The following PLEKHM3 variants were observed in gnomAD, a reference collection of about 807,000 sequenced individuals.
PLEKHM3 encodes pleckstrin homology domain-containing family M member 3.
A neutral mutation model predicts 81.8 loss-of-function variants in PLEKHM3; 45 were observed. The observed-to-expected ratio is 0.55, with a 90% confidence interval of 0.43 to 0.71. The LOEUF is 0.71. Ranked by LOEUF, PLEKHM3 falls within the 30% of genes least tolerant of loss-of-function variation. The pLI is 0.00. For missense variants in PLEKHM3, 788 were observed against 924.3 expected (o/e 0.85, Z 1.91); for synonymous variants, 352 against 356.4 (o/e 0.99, Z 0.14).
At chr2:207,994,344 G>A (rs909453208) in intron 2 of PLEKHM3, among the ~76,000 whole-genome samples, 3 of 151,966 alleles carry the variant, frequency 2.0e-5, no homozygotes, top group Non-Finnish European at 2.9e-5. Context: ...TTTATCCTAC[G>A]GCAAAGTCCT....
chr2:207,964,647 T>C (rs1690852093), intron 3 of PLEKHM3, among the ~76,000 whole-genome samples: 1 of 152,174 alleles, frequency 6.6e-6, no homozygotes, highest in Admixed American at 6.5e-5. Context: ...CAAAGTACAA[T>C]GCAGAACCAT....
intron 1 of PLEKHM3, among the ~76,000 whole-genome samples, chr2:208,009,771 A>T (rs935186029): frequency 1.2e-4 from 19 of 152,190 alleles, no homozygotes; most frequent in African/African-American, 4.3e-4. Flanking sequence ...AACTGAATAA[A>T]CAGTATATTT....
chr2:208,015,091 CT>C (rs575982419), intron 1 of PLEKHM3, among the ~76,000 whole-genome samples: 136 of 152,342 alleles, frequency 8.9e-4, no homozygotes, highest in African/African-American at 3.1e-3. Flanking sequence ...GTACTTACTA[CT>C]TAACGTATGT....
At position 207,824,475 on chromosome 2, in the gene PLEKHM3, T is replaced by A. The variant is rs1318639632; in HGVS notation, c.*3844A>T. ...AAATACACGAGCAACAGCATTGGCTTGACTCTAAAGGAGGACCAGAATGTG... is the reference window on the plus strand; with the variant it reads ...AAATACACGAGCAACAGCATTGGCTAGACTCTAAAGGAGGACCAGAATGTG... On this transcript the variant is annotated 3_prime_UTR_variant, in exon 8 of 8. Transcript: ENST00000427836. 1.3e-5 allele frequency: 2 copies of A among 152,224 alleles called. No individual in the cohort carries two copies. Among genetic ancestry groups the A allele is most frequent in the Non-Finnish European group, 2.9e-5 (2 of 68,048 alleles). The allele number at this position is 152,224 out of a possible 1,614,324, so 9.4% of individuals were successfully genotyped here.
intron 5 of PLEKHM3, among the ~76,000 whole-genome samples, chr2:207,927,975 A>G (rs1689458463): frequency 6.6e-6 from 1 of 152,174 alleles, no homozygotes. Context: ...TAATAATTAC[A>G]TTTTAATTAA....
chr2:207,971,030 G>A (rs1205502452), intron 3 of PLEKHM3, among the ~76,000 whole-genome samples: 4 of 152,202 alleles, frequency 2.6e-5, no homozygotes, highest in African/African-American at 9.7e-5. Flanking sequence ...CTGTTAACAT[G>A]TTCAAATTCA....
At position 207,867,184 on chromosome 2, in the gene PLEKHM3, C is replaced by T. The variant is rs80340960; in HGVS notation, c.1951-5922G>A. Among the ~76,000 whole-genome samples the T allele has an allele frequency of 6.6e-5, 10 of 152,290 alleles. No homozygotes were observed. The East Asian group carries it at 1.9e-3, about 29-fold the overall frequency. On this transcript the variant is annotated intron_variant, in intron 6 of 7. Coordinates refer to ENST00000427836, the MANE Select transcript of PLEKHM3 (RefSeq NM_001080475.3). ...GTCTTGTGTCGCAAACATTTTCAAT[C>T]GTTCTGCTGTGTGATTCAAGGAGGA...
Position 207,823,001 on chromosome 2 carries a change from T to C in PLEKHM3, c.*5318A>G, listed in dbSNP as rs1482700971. On this transcript the variant is annotated 3_prime_UTR_variant, in exon 8 of 8. Transcript: ENST00000427836. ...AAAAGAGAGAGGCTGGTTTGCAGCT[T>C]CACGGCCAATAGGAGGGAGCCCTCC... is the stretch of plus-strand genomic sequence containing the variant. The C allele has an allele frequency of 6.6e-6, 1 of 152,322 alleles. No individual in the cohort carries two copies. The highest frequency in any genetic ancestry group is 1.5e-5 in the Non-Finnish European group (1 of 68,142). 9.4% of individuals were successfully genotyped at this position (152,322 alleles called of 1,614,324 possible).
intron 3 of PLEKHM3, among the ~76,000 whole-genome samples, chr2:207,961,949 A>T (rs1339138562): frequency 6.6e-6 from 1 of 152,202 alleles, no homozygotes; most frequent in Non-Finnish European, 1.5e-5. Flanking sequence ...TTGCTGTGGA[A>T]ATGTCCATTC....
At chr2:207,946,692 C>T (rs1173406207) in intron 3 of PLEKHM3, among the ~76,000 whole-genome samples, 180 bp from the exon 4 acceptor site, 21 of 152,192 alleles carry the variant, frequency 1.4e-4, no homozygotes, top group Admixed American at 1.3e-3. Flanking sequence ...AGTCTGACAG[C>T]CTGTCCCTTC....
chr2:207,931,120 C>T lies in PLEKHM3; in HGVS notation c.1693-1G>A. The T allele has an allele frequency of 3.1e-6, 5 of 1,603,832 alleles. No individual in the cohort carries two copies. Among genetic ancestry groups the T allele is most frequent in the Non-Finnish European group, 4.3e-6 (5 of 1,173,026 alleles). On this transcript the variant is annotated splice_acceptor_variant, in intron 4 of 7. Transcript: ENST00000427836. LOFTEE classifies it high-confidence loss of function. ...GAAACTCCTTGGCCTGCTTCGACAC[C>T]TACAAAACAAGCGTCGTCAGTCAGT...
chr2:207,913,341 G>A (rs1447447174), intron 5 of PLEKHM3, among the ~76,000 whole-genome samples: 1 of 152,066 alleles, frequency 6.6e-6, no homozygotes, highest in African/African-American at 2.4e-5. Flanking sequence ...ATTGCTTCCT[G>A]GTGAAACAGT....
chr2:207,935,888 T>C (rs886316937), intron 4 of PLEKHM3, among the ~76,000 whole-genome samples: 1 of 152,248 alleles, frequency 6.6e-6, no homozygotes, highest in Non-Finnish European at 1.5e-5. Flanking sequence ...GACACTGACA[T>C]GTAGGATCCC....
intron 7 of PLEKHM3, among the ~76,000 whole-genome samples, chr2:207,854,007 G>C (rs954866316): frequency 6.6e-6 from 1 of 151,990 alleles, no homozygotes; most frequent in Non-Finnish European, 1.5e-5. Context: ...CTGACCTCAA[G>C]TGATCCAAGT....
At chr2:207,891,495 C>A (rs1174829684) in intron 6 of PLEKHM3, among the ~76,000 whole-genome samples, 1 of 152,202 alleles carries the variant, frequency 6.6e-6, no homozygotes, top group Non-Finnish European at 1.5e-5. Flanking sequence ...CAAACTCAAG[C>A]TGTCTGGCTC....
At chr2:207,903,381 G>C (rs141923260) in intron 6 of PLEKHM3, among the ~76,000 whole-genome samples, 37 of 152,170 alleles carry the variant, frequency 2.4e-4, no homozygotes, top group African/African-American at 8.9e-4. Context: ...GAGTAGCGGG[G>C]AGGGCCTACT....
At chr2:207,925,148 T>G (rs921295478) in intron 5 of PLEKHM3, among the ~76,000 whole-genome samples, 14 of 91,404 alleles carry the variant, frequency 1.5e-4, no homozygotes, top group African/African-American at 8.2e-5. Context: ...TTGTTTTTTG[T>G]TTTTTTTTTT....
At chr2:207,952,918 C>T (rs1690375216) in intron 3 of PLEKHM3, among the ~76,000 whole-genome samples, 2 of 152,150 alleles carry the variant, frequency 1.3e-5, no homozygotes, top group African/African-American at 2.4e-5. Context: ...CTTTTTGCAT[C>T]CCAAGCATCC....
At chr2:207,945,730 G>A (rs1191204888) in intron 4 of PLEKHM3, among the ~76,000 whole-genome samples, 3 of 152,022 alleles carry the variant, frequency 2.0e-5, no homozygotes, top group East Asian at 1.9e-4. Flanking sequence ...GGTGAAACCC[G>A]TCTCTACTAA....
Sources: gnomAD v4.1 joint callset for allele counts (sites outside exome capture counted in the v4.1 genomes callset) on GRCh38, gnomAD v4.1.1 for gene constraint, MANE v1.5 for transcripts, NCBI Gene and HGNC (gene_info 2026-07-23, HGNC 2026-07-21) for gene names.